Variants in TOPBP1 observed in about 807,000 individuals in gnomAD.
The protein encoded by TOPBP1 is DNA topoisomerase 2-binding protein 1.
TOPBP1 carries 28 observed loss-of-function variants against 167.7 expected under a neutral mutation model. The observed-to-expected ratio is 0.17, with a 90% CI of 0.12 to 0.23. The LOEUF is 0.23. Among genes scored for constraint, TOPBP1 ranks in the 10% least tolerant of loss-of-function variants. The pLI is 1.00. For missense variants in TOPBP1, 1,554 were observed against 1,809.6 expected (o/e 0.86, Z 2.56); for synonymous variants, 598 against 611.4 (o/e 0.98, Z 0.32).
intron 14 of TOPBP1, among the ~76,000 whole-genome samples, chr3:133,629,635 G>A (rs1051324353): frequency 4.6e-5 from 7 of 152,120 alleles, no homozygotes; most frequent in Non-Finnish European, 1.0e-4. Context: ...AAGTATGAGT[G>A]TGTGTGTTTT....
intron 23 of TOPBP1, among the ~76,000 whole-genome samples, chr3:133,616,403 C>T (rs1407671363): frequency 1.3e-5 from 2 of 151,956 alleles, no homozygotes; most frequent in Non-Finnish European, 2.9e-5. Context: ...ATTACAGGCA[C>T]GAGCCACCGT....
intron 14 of TOPBP1, among the ~76,000 whole-genome samples, chr3:133,630,102 C>A (rs1935419221): frequency 6.6e-6 from 1 of 151,746 alleles, no homozygotes; most frequent in Non-Finnish European, 1.5e-5. Flanking sequence ...ATATTTATAT[C>A]TAATTTTTTG....
chr3:133,612,398 G>A lies in TOPBP1; in HGVS notation c.4026C>T (p.His1342=), dbSNP rs750894544. Residue 1342 remains histidine (H), a synonymous_variant, in exon 24 of 28, where the codon CAC becomes CAT. Transcript: ENST00000260810. ...AAATCTGAATACACACCTGCACGAA[G>A]TGTCCAGCAGTCCTGCAGGCTTCAA... ...SYLEACRTAG[H]FVQEEDYEWG... is the part of the protein sequence containing the mutation. The A allele has an allele frequency of 6.2e-7, 1 of 1,613,808 alleles. No individual in the cohort carries two copies. The highest frequency in any genetic ancestry group is 8.5e-7 in the Non-Finnish European group (1 of 1,179,804).
At chr3:133,660,118 G>T (rs1936634929) in intron 2 of TOPBP1, among the ~76,000 whole-genome samples, 1 of 152,112 alleles carries the variant, frequency 6.6e-6, no homozygotes, top group Non-Finnish European at 1.5e-5. Context: ...GGCTGTATAA[G>T]GTTGCTCTCT....
At chr3:133,605,974 T>C (rs1039728613) in intron 27 of TOPBP1, among the ~76,000 whole-genome samples, 2 of 152,104 alleles carry the variant, frequency 1.3e-5, no homozygotes, top group African/African-American at 4.8e-5. Context: ...GGCAGGTGGA[T>C]TGCTTGAGAC....
chr3:133,608,666 T>C lies in TOPBP1; in HGVS notation c.4294A>G (p.Lys1432Glu). 6.2e-7 allele frequency: 1 copy of C among 1,613,524 alleles called. No individual in the cohort carries two copies. The highest frequency in any genetic ancestry group is 1.3e-5 in the African/African-American group (1 of 75,038). ...VLPGHSVPLFKEATHLFSDLN... is the reference protein window; with the variant it reads ...VLPGHSVPLFEEATHLFSDLN... ...TCAGAAAAAAGATGTGTGGCCTCTT[T>C]AAATAAAGGTACAGAATGACCAGGT... is the stretch of plus-strand genomic sequence containing the variant. Residue 1432 changes from lysine (K) to glutamate (E), a missense_variant, in exon 27 of 28, where the codon AAA becomes GAA. Transcript: ENST00000260810.
At chr3:133,660,970 T>G (rs1232965627) in intron 2 of TOPBP1, 74 bp downstream of exon 2, 1 of 1,106,898 alleles carries the variant, frequency 9.0e-7, no homozygotes, top group Non-Finnish European at 1.3e-6. Context: ...TTCTAAGACA[T>G]AAAGCCCAAC....
intron 5 of TOPBP1, among the ~76,000 whole-genome samples, chr3:133,656,291 T>C (rs1298751012): frequency 6.6e-6 from 1 of 152,146 alleles, no homozygotes; most frequent in East Asian, 1.9e-4. Context: ...TGCCATCTTT[T>C]GGAAGGAATG....
rs376210448 is a variant in TOPBP1, at chr3:133,628,700, G to T, written c.2554C>A (p.Pro852Thr). ...ALAALETPGR[P>T]SQQKRKPSTP... ...CTCGGTTTCCTTTTCTGTTGGCTGG[G>T]ACGTCCTGGAGTTTCCAAGGCTGCA... is the stretch of plus-strand genomic sequence containing the variant. Residue 852 changes from proline to threonine, a missense_variant, in exon 15 of 28, where the codon CCC becomes ACC. By Grantham distance (38) the Pro-to-Thr change is conservative (BLOSUM62 -1). Transcript: ENST00000260810. 9 of 1,554,540 alleles carry T rather than the reference G, an allele frequency of 5.8e-6. No individual in the cohort carries two copies. The highest frequency in any genetic ancestry group is 1.2e-5 in the South Asian group (1 of 84,228).
chr3:133,601,195 C>G lies in TOPBP1; in HGVS notation c.*55G>C. The G allele has an allele frequency of 2.2e-5, 33 of 1,482,978 alleles. No individual in the cohort carries two copies. Among genetic ancestry groups the G allele is most frequent in the Non-Finnish European group, 2.9e-5 (32 of 1,094,312 alleles). The allele number at this position is 1,482,978 out of a possible 1,614,324, so 91.9% of individuals were successfully genotyped here. A position where few individuals can be genotyped will look rare whatever the true frequency, so the allele number is the denominator to read the frequency against. On this transcript the variant is annotated 3_prime_UTR_variant, in exon 28 of 28. Coordinates refer to ENST00000260810, the MANE Select transcript of TOPBP1 (RefSeq NM_007027.4). ...TACCCAAATCTATCACAGTCACATT[C>G]AGGCTTTCAATTTTTAAAAACATTT... is the stretch of plus-strand genomic sequence containing the variant.
intron 27 of TOPBP1, among the ~76,000 whole-genome samples, chr3:133,604,275 C>G (rs765098927): frequency 4.6e-5 from 7 of 151,644 alleles, no homozygotes; most frequent in Non-Finnish European, 1.0e-4. Context: ...GCTGGGACTA[C>G]AGGCACACGC....
At chr3:133,640,220 C>T (rs747685988) in intron 12 of TOPBP1, 50 bp from the exon 13 acceptor site, 48 of 1,489,482 alleles carry the variant, frequency 3.2e-5, no homozygotes, top group Middle Eastern at 1.8e-4. Context: ...ACAATTAACC[C>T]GCAAAACTAA....
At chr3:133,651,157 T>C (rs1023313837) in intron 8 of TOPBP1, among the ~76,000 whole-genome samples, 1 of 145,720 alleles carries the variant, frequency 6.9e-6, no homozygotes, top group African/African-American at 2.5e-5. Context: ...AAAAAGGTAA[T>C]TTGCCGAATT....
intron 27 of TOPBP1, 122 bp from the exon 28 acceptor site, chr3:133,601,515 C>T (rs1262048503): frequency 5.2e-6 from 4 of 765,324 alleles, no homozygotes; most frequent in East Asian, 6.3e-5. Flanking sequence ...TAAAGGAAAA[C>T]GCATATTCAT....
At chr3:133,601,457 GA>G in intron 27 of TOPBP1, 64 bp from the exon 28 acceptor site, 1 of 1,267,432 alleles carries the variant, frequency 7.9e-7, no homozygotes, top group South Asian at 1.6e-5. Context: ...TCTGGTAATA[GA>G]TTTTTTCTTT....
intron 20 of TOPBP1, among the ~76,000 whole-genome samples, chr3:133,619,111 C>CAAAAAAAAAAAAAAAAAAAAAAAA (rs71136485): frequency 9.7e-6 from 1 of 103,526 alleles, no homozygotes; most frequent in African/African-American, 3.6e-5. Context: ...TGTGGAGAAG[C>CAAAAAAAAAAAAAAAAAAAAAAAA]AAAAAAAAAA....
chr3:133,606,113 G>A (rs1460620923), intron 27 of TOPBP1, among the ~76,000 whole-genome samples: 5 of 151,972 alleles, frequency 3.3e-5, no homozygotes, highest in Non-Finnish European at 7.4e-5. Context: ...TCCTGGGCCT[G>A]GGAGGCAGAG....
chr3:133,635,372 C>T (rs1935631431), intron 14 of TOPBP1, among the ~76,000 whole-genome samples: 1 of 152,092 alleles, frequency 6.6e-6, no homozygotes, highest in African/African-American at 2.4e-5. Flanking sequence ...TGCTGCCTCA[C>T]CCTCCTGAGT....
chr3:133,644,451 T>C (rs1936010229), intron 10 of TOPBP1, 88 bp from the exon 11 acceptor site: 3 of 1,223,372 alleles, frequency 2.5e-6, no homozygotes, highest in Non-Finnish European at 3.3e-6. Context: ...ACATGGAATC[T>C]GATAATTTTG....
Sources: allele counts gnomAD v4.1 joint callset (sites outside exome capture counted in the v4.1 genomes callset), GRCh38; gene constraint gnomAD v4.1.1; transcripts MANE v1.5; gene names NCBI Gene and HGNC (gene_info 2026-07-23, HGNC 2026-07-21).